SLC39A11: variants seen among roughly 807,000 people sequenced by gnomAD.
SLC39A11 encodes solute carrier family 39 member 11, also known as zinc transporter ZIP11.
SLC39A11 carries 33 observed loss-of-function variants against 36.1 expected under a neutral mutation model. That is an observed-to-expected ratio of 0.91 (90% CI 0.69 to 1.22). The LOEUF is 1.22. SLC39A11 is among the 50% of genes most tolerant of loss of function. The probability of loss-of-function intolerance (pLI) is 0.00; values close to 1 mark genes in which losing one functional copy is unlikely to be tolerated. For missense variants in SLC39A11, 432 were observed against 430.3 expected (o/e 1.00, Z -0.03); for synonymous variants, 166 against 170.3 (o/e 0.97, Z 0.20).
chr17:72,944,241 T>G (rs1384941276), intron 5 of SLC39A11, among the ~76,000 whole-genome samples: 1 of 152,122 alleles, frequency 6.6e-6, no homozygotes, highest in African/African-American at 2.4e-5. Context: ...TTGGCCTCTG[T>G]GTGCATCGGG....
At chr17:72,750,795 A>G (rs966008334) in intron 6 of SLC39A11, among the ~76,000 whole-genome samples, 5 of 152,122 alleles carry the variant, frequency 3.3e-5, no homozygotes, top group Non-Finnish European at 7.3e-5. Context: ...GAGGAAAAAA[A>G]AAAACTGCCT....
At chr17:72,776,245 T>C (rs1864681) in intron 6 of SLC39A11, among the ~76,000 whole-genome samples, 89,615 of 152,084 alleles carry the variant, frequency 0.59, 27,604 homozygotes, top group Non-Finnish European at 0.7. Flanking sequence ...CCCCATCCCA[T>C]GACGGCACTC....
rs529354572 is a variant in SLC39A11 at position 72,904,158 on chromosome 17, C to T, written c.430+43594G>A. Among the ~76,000 whole-genome samples, 32 of 152,276 alleles carry T rather than the reference C, an allele frequency of 2.1e-4. 1 individual carries two copies. In the South Asian group the frequency reaches 5.0e-3, roughly 24 times the overall value. On this transcript the variant is annotated intron_variant, in intron 5 of 9. Coordinates refer to ENST00000255559, the MANE Select transcript of SLC39A11 (RefSeq NM_139177.4). ...TCAAAAGCGGTGAGCCCAAGCCGGG[C>T]GCGGTGGCACACACGTGCAGTCCCA... is the stretch of plus-strand genomic sequence containing the variant.
At chr17:72,970,576 C>G (rs1469284370) in intron 4 of SLC39A11, among the ~76,000 whole-genome samples, 5 of 151,284 alleles carry the variant, frequency 3.3e-5, no homozygotes, top group Admixed American at 3.3e-4. Context: ...ACAAAAAAAA[C>G]CAAGCTTTTG....
chr17:72,993,562 C>T (rs6501587), intron 4 of SLC39A11, among the ~76,000 whole-genome samples: 106,867 of 152,018 alleles, frequency 0.7, 37,838 homozygotes, highest in Middle Eastern at 0.85. Context: ...GGCGATTCCA[C>T]TGGATCAACA....
intron 7 of SLC39A11, among the ~76,000 whole-genome samples, chr17:72,657,656 C>T (rs191660673): frequency 6.6e-6 from 1 of 152,300 alleles, no homozygotes; most frequent in Non-Finnish European, 1.5e-5. Flanking sequence ...TTACTCAGTG[C>T]TAAACCTGGC....
intron 7 of SLC39A11, among the ~76,000 whole-genome samples, chr17:72,714,820 C>G (rs1380244167): frequency 1.3e-5 from 2 of 152,192 alleles, no homozygotes; most frequent in Non-Finnish European, 2.9e-5. Flanking sequence ...TGTTTCAGAT[C>G]TGGGTTCATG....
chr17:72,963,243 T>A (rs1305154062), intron 4 of SLC39A11, among the ~76,000 whole-genome samples: 1 of 136,360 alleles, frequency 7.3e-6, no homozygotes, highest in Non-Finnish European at 1.5e-5. Flanking sequence ...CGATCCCAGC[T>A]CCCTGCAAGC....
intron 7 of SLC39A11, among the ~76,000 whole-genome samples, chr17:72,659,574 CTT>C (rs34383683): frequency 7.5e-3 from 461 of 61,116 alleles, no homozygotes; most frequent in South Asian, 0.013. Flanking sequence ...CTCTGTGACT[CTT>C]TTTTTTTTTT....
At chr17:72,750,853 G>A (rs564943675) in intron 6 of SLC39A11, among the ~76,000 whole-genome samples, 6 of 152,144 alleles carry the variant, frequency 3.9e-5, no homozygotes, top group Admixed American at 6.5e-5. Flanking sequence ...GGTGTCAGAC[G>A]GCAGCCTGTC....
chr17:72,692,034 G>A (rs1159466608), intron 7 of SLC39A11, among the ~76,000 whole-genome samples: 4 of 143,768 alleles, frequency 2.8e-5, no homozygotes, highest in South Asian at 2.2e-4. Context: ...TTTTTGAGGC[G>A]GAGTCTCGCT....
At chr17:73,014,175 C>T (rs921321546) in intron 4 of SLC39A11, among the ~76,000 whole-genome samples, 3 of 152,146 alleles carry the variant, frequency 2.0e-5, no homozygotes, top group African/African-American at 7.2e-5. Flanking sequence ...GCCTCAGCCT[C>T]CTGCAGAGCC....
In SLC39A11 at chr17:72,647,467, T is replaced by C. The variant is rs2069606879; in HGVS notation, c.*117A>G. On this transcript the variant is annotated 3_prime_UTR_variant, in exon 10 of 10. Coordinates refer to ENST00000255559, the MANE Select transcript of SLC39A11 (RefSeq NM_139177.4). ...ATCAGAGTCAATCAGGATAATGAGA[T>C]GAAGAAGAGAGGAAGGAAAAAAGTT... The C allele has an allele frequency of 4.1e-6, 3 of 731,580 alleles. No homozygotes were observed. Among genetic ancestry groups the C allele is most frequent in the Non-Finnish European group, 2.3e-6 (1 of 440,374 alleles). The allele number at this position is 731,580 out of a possible 1,614,324, so 45.3% of individuals were successfully genotyped here.
At chr17:72,885,375 A>G (rs2081393544) in intron 5 of SLC39A11, among the ~76,000 whole-genome samples, 1 of 152,000 alleles carries the variant, frequency 6.6e-6, no homozygotes, top group Non-Finnish European at 1.5e-5. Context: ...ATTTTTTACA[A>G]CTCTCTAATC....
intron 7 of SLC39A11, among the ~76,000 whole-genome samples, chr17:72,728,100 T>C (rs2074006971): frequency 6.6e-6 from 1 of 152,176 alleles, no homozygotes; most frequent in Middle Eastern, 3.2e-3. Context: ...ATGATGAATA[T>C]GGGCTAAAAA....
chr17:72,842,944 G>A (rs916484940), intron 6 of SLC39A11, among the ~76,000 whole-genome samples: 1 of 151,950 alleles, frequency 6.6e-6, no homozygotes, highest in Non-Finnish European at 1.5e-5. Context: ...AAAGGGGAGG[G>A]TTTTTTGCTT....
In SLC39A11 at chr17:72,943,659, C is replaced by T. The variant is rs913129902; in HGVS notation, c.430+4093G>A. 2.6e-5 allele frequency among the ~76,000 whole-genome samples: 4 copies of T among 152,180 alleles called. No homozygotes were observed. The South Asian group carries it at 6.2e-4, about 24-fold the overall frequency. ...TGAATAATCTCCTAAAGTAAATCCA[C>T]CTCTTGCTCTACCAGAAAATAATGC... On this transcript the variant is annotated intron_variant, in intron 5 of 9. Transcript: ENST00000255559.
At chr17:72,897,585 G>T (rs1290423293) in intron 5 of SLC39A11, among the ~76,000 whole-genome samples, 4 of 152,158 alleles carry the variant, frequency 2.6e-5, no homozygotes, top group Non-Finnish European at 5.9e-5. Flanking sequence ...GTTGAGTTTG[G>T]GATGAGCTGA....
chr17:72,791,994 A>G (rs115748897), intron 6 of SLC39A11, among the ~76,000 whole-genome samples: 41 of 152,340 alleles, frequency 2.7e-4, no homozygotes, highest in African/African-American at 9.4e-4. Flanking sequence ...ATGTAGTATG[A>G]TAACTTCTCA....
Sources: allele counts gnomAD v4.1 joint callset (sites outside exome capture counted in the v4.1 genomes callset), GRCh38; gene constraint gnomAD v4.1.1; transcripts MANE v1.5; gene names NCBI Gene and HGNC (gene_info 2026-07-23, HGNC 2026-07-21).